Variants in ST6GALNAC3 observed in about 807,000 individuals in gnomAD.
ST6GALNAC3 encodes ST6 N-acetylgalactosaminide alpha-2,6-sialyltransferase 3.
In ST6GALNAC3, 25 loss-of-function variants were observed where a neutral mutation model predicts 32.7. The ratio of observed to expected loss-of-function variants is 0.76; its 90% CI spans 0.56 to 1.07. The LOEUF (loss-of-function observed/expected upper bound fraction) is 1.07. Among genes scored for constraint, ST6GALNAC3 ranks in the 50% least tolerant of loss-of-function variants. ST6GALNAC3 has a pLI of 0.00. For missense variants in ST6GALNAC3, 355 were observed against 382.4 expected (o/e 0.93, Z 0.60); for synonymous variants, 129 against 133.1 (o/e 0.97, Z 0.21).
At chr1:76,115,418 C>T (rs926772616) in intron 1 of ST6GALNAC3, among the ~76,000 whole-genome samples, 2 of 152,184 alleles carry the variant, frequency 1.3e-5, no homozygotes, top group South Asian at 4.1e-4. Flanking sequence ...ACATGCCAAT[C>T]ATATTCCAAA....
chr1:76,099,955 G>A (rs1416215875), intron 1 of ST6GALNAC3, among the ~76,000 whole-genome samples: 2 of 152,026 alleles, frequency 1.3e-5, no homozygotes, highest in East Asian at 3.9e-4. Flanking sequence ...CTTTTATGTA[G>A]AAATTTTTCA....
At chr1:76,260,973 TACACACACACAC>T (rs59946768) in intron 1 of ST6GALNAC3, among the ~76,000 whole-genome samples, 7 of 146,278 alleles carry the variant, frequency 4.8e-5, no homozygotes, top group African/African-American at 7.5e-5. Flanking sequence ...GAGGTTTTGA[TACACACACACAC>T]ACACACACAC....
At chr1:76,190,259 G>A (rs1466541889) in intron 1 of ST6GALNAC3, among the ~76,000 whole-genome samples, 1 of 152,050 alleles carries the variant, frequency 6.6e-6, no homozygotes, top group East Asian at 1.9e-4. Context: ...AGGATGAGAG[G>A]CAGGCTCAGA....
intron 1 of ST6GALNAC3, among the ~76,000 whole-genome samples, chr1:76,199,472 G>A (rs980502049): frequency 1.3e-5 from 2 of 152,182 alleles, no homozygotes; most frequent in East Asian, 1.9e-4. Context: ...TCAGAGGTGT[G>A]TAGCTATCAC....
intron 2 of ST6GALNAC3, among the ~76,000 whole-genome samples, chr1:76,351,981 C>T (rs1649014085): frequency 6.6e-6 from 1 of 151,942 alleles, no homozygotes; most frequent in Non-Finnish European, 1.5e-5. Context: ...TGTTTGTGGC[C>T]ATCCGAAGGG....
At chr1:76,488,461 T>C (rs2101682665) in intron 3 of ST6GALNAC3, among the ~76,000 whole-genome samples, 1 of 152,198 alleles carries the variant, frequency 6.6e-6, no homozygotes, top group Non-Finnish European at 1.5e-5. Flanking sequence ...TTACCCAATC[T>C]CAGGTATTTC....
intron 1 of ST6GALNAC3, among the ~76,000 whole-genome samples, chr1:76,204,237 A>G (rs68091079): frequency 0.084 from 12,782 of 152,272 alleles, 589 homozygotes; most frequent in African/African-American, 0.12. Flanking sequence ...GTTATGGCTG[A>G]ATAATATTCC....
In ST6GALNAC3 at chr1:76,412,212, C is replaced by A. The variant is rs751089513; in HGVS notation, c.418C>A (p.Pro140Thr). Residue 140 changes from proline to threonine, a missense_variant, in exon 3 of 5, where the codon CCT becomes ACT. By Grantham distance (38) the Pro-to-Thr change is conservative (BLOSUM62 -1). Coordinates refer to ENST00000328299, the MANE Select transcript of ST6GALNAC3 (RefSeq NM_152996.4). ...CAGCGTTCCTCTTTTGCTAAAAAAC[C>A]CTGATTATTTTTTCAAGGAAGCGAA... Reference protein sequence around the residue: ...HTSVPLLLKNPDYFFKEANTT... With the variant: ...HTSVPLLLKNTDYFFKEANTT... 2 of 1,613,408 alleles carry A rather than the reference C, an allele frequency of 1.2e-6. No homozygotes were observed. The highest frequency in any genetic ancestry group is 1.7e-6 in the Non-Finnish European group (2 of 1,179,786).
intron 3 of ST6GALNAC3, among the ~76,000 whole-genome samples, chr1:76,455,450 AT>A (rs1424107605): frequency 6.6e-6 from 1 of 152,086 alleles, no homozygotes; most frequent in Non-Finnish European, 1.5e-5. Flanking sequence ...AGGATACCTG[AT>A]TTAGTGTATA....
intron 1 of ST6GALNAC3, among the ~76,000 whole-genome samples, chr1:76,241,658 T>C (rs1283559741): frequency 6.6e-6 from 1 of 152,172 alleles, no homozygotes; most frequent in Non-Finnish European, 1.5e-5. Flanking sequence ...TAGTCTGAAT[T>C]AAGATACTCT....
intron 1 of ST6GALNAC3, among the ~76,000 whole-genome samples, chr1:76,094,853 CT>C (rs879701199): frequency 6.6e-6 from 1 of 152,124 alleles, no homozygotes. Context: ...CTCTTTCTAT[CT>C]CTGAACAGAT....
chr1:76,211,201 G>T (rs1008167851), intron 1 of ST6GALNAC3, among the ~76,000 whole-genome samples: 13 of 152,164 alleles, frequency 8.5e-5, no homozygotes, highest in South Asian at 2.1e-4. Context: ...ATCATCACTG[G>T]CCATCAGAGA....
At chr1:76,548,644 G>A (rs755516448) in intron 3 of ST6GALNAC3, among the ~76,000 whole-genome samples, 8 of 152,090 alleles carry the variant, frequency 5.3e-5, no homozygotes, top group South Asian at 4.1e-4. Context: ...ACTGTGTCAC[G>A]TGCAAGATAG....
intron 1 of ST6GALNAC3, among the ~76,000 whole-genome samples, chr1:76,242,765 C>A (rs1657040462): frequency 1.3e-5 from 2 of 152,072 alleles, no homozygotes; most frequent in South Asian, 4.1e-4. Context: ...TCATCCAAGT[C>A]CCTGCAAAGG....
chr1:76,467,917 G>T (rs1658749726), intron 3 of ST6GALNAC3, among the ~76,000 whole-genome samples: 1 of 151,996 alleles, frequency 6.6e-6, no homozygotes, highest in Admixed American at 6.6e-5. Context: ...CAGTACTCAG[G>T]TAAGGACATT....
At chr1:76,174,589 CT>C (rs1212087738) in intron 1 of ST6GALNAC3, among the ~76,000 whole-genome samples, 4 of 151,482 alleles carry the variant, frequency 2.6e-5, no homozygotes, top group African/African-American at 9.7e-5. Flanking sequence ...CTCCCTTTTT[CT>C]TTTACTTAGC....
intron 1 of ST6GALNAC3, among the ~76,000 whole-genome samples, chr1:76,234,247 G>T (rs903681321): frequency 6.6e-5 from 10 of 152,006 alleles, no homozygotes; most frequent in Non-Finnish European, 1.5e-4. Flanking sequence ...ACCCTCCCCC[G>T]GTAGTGGCCT....
intron 2 of ST6GALNAC3, among the ~76,000 whole-genome samples, chr1:76,322,011 G>T (rs182344803): frequency 6.6e-6 from 1 of 152,010 alleles, no homozygotes; most frequent in Non-Finnish European, 1.5e-5. Context: ...AAGATATACC[G>T]CAGTTTTATT....
intron 3 of ST6GALNAC3, among the ~76,000 whole-genome samples, chr1:76,512,418 T>G (rs1054211764): frequency 1.3e-5 from 2 of 152,186 alleles, no homozygotes; most frequent in African/African-American, 4.8e-5. Context: ...TTCTACCACT[T>G]GAGTTTTTTT....
Sources: gnomAD v4.1 joint callset for allele counts (sites outside exome capture counted in the v4.1 genomes callset) on GRCh38, gnomAD v4.1.1 for gene constraint, MANE v1.5 for transcripts, NCBI Gene and HGNC (gene_info 2026-07-23, HGNC 2026-07-21) for gene names.